Variants in NR3C2 observed in about 807,000 individuals in gnomAD.
NR3C2 encodes the protein nuclear receptor subfamily 3 group C member 2.
A neutral mutation model predicts 86.4 loss-of-function variants in NR3C2; 15 were observed. That is an observed-to-expected ratio of 0.17 (90% CI 0.12 to 0.27). The LOEUF (loss-of-function observed/expected upper bound fraction) is 0.27, where lower values mean the gene tolerates loss of function less well. Ranked by LOEUF, NR3C2 falls within the 10% of genes least tolerant of loss-of-function variation. NR3C2 has a pLI of 1.00. For missense variants in NR3C2, 960 were observed against 1,195.6 expected (o/e 0.80, Z 2.91); for synonymous variants, 458 against 450.5 (o/e 1.02, Z -0.21).
chr4:148,155,164 A>C (rs75113163), intron 4 of NR3C2, among the ~76,000 whole-genome samples: 3,767 of 152,296 alleles, frequency 0.025, 147 homozygotes, highest in African/African-American at 0.083. Context: ...TAAGCTGCAT[A>C]GGAACCCAGC....
At chr4:148,351,382 A>G (rs549059924) in intron 2 of NR3C2, among the ~76,000 whole-genome samples, 117 of 152,310 alleles carry the variant, frequency 7.7e-4, no homozygotes, top group African/African-American at 2.4e-3. Context: ...AGCTCAGGCA[A>G]TCCACCTGCC....
intron 8 of NR3C2, among the ~76,000 whole-genome samples, chr4:148,103,033 A>T (rs1731610396): frequency 6.6e-6 from 1 of 152,034 alleles, no homozygotes; most frequent in South Asian, 2.1e-4. Context: ...GGATACAAGG[A>T]CATTCTCTAT....
In NR3C2 at chr4:148,194,810, A is replaced by C. The variant is rs533357038; in HGVS notation, c.1950T>G (p.Ile650Met). Reference sequence around the variant, plus strand: ...TGCAAGCAGGACAATTCTTTCGTCGAATCTTATCAATGATGCAATCATTTC... The same window carrying C: ...TGCAAGCAGGACAATTCTTTCGTCGCATCTTATCAATGATGCAATCATTTC... ...AGRNDCIIDK[I>M]RRKNCPACRL... The change falls in exon 4 of 9, where the codon ATT (isoleucine) becomes ATG (methionine). Residue 650 changes from isoleucine to methionine, a missense_variant. By Grantham distance (10) the Ile-to-Met change is conservative. Transcript: ENST00000358102. 6.2e-7 allele frequency: 1 copy of C among 1,612,680 alleles called. No homozygotes were observed. The highest frequency in any genetic ancestry group is 1.7e-5 in the Admixed American group (1 of 60,026).
At chr4:148,329,577 G>T (rs937443021) in intron 2 of NR3C2, among the ~76,000 whole-genome samples, 4 of 152,106 alleles carry the variant, frequency 2.6e-5, no homozygotes, top group Non-Finnish European at 4.4e-5. Flanking sequence ...AAATGGTAAT[G>T]CTTTTAAGTA....
intron 6 of NR3C2, among the ~76,000 whole-genome samples, chr4:148,134,269 A>ACCG (rs1733173094): frequency 6.6e-6 from 1 of 152,200 alleles, no homozygotes; most frequent in Non-Finnish European, 1.5e-5. Flanking sequence ...GTGTAACACC[A>ACCG]CCAGGCCACT....
intron 2 of NR3C2, among the ~76,000 whole-genome samples, chr4:148,422,559 G>C (rs573928181): frequency 1.3e-5 from 2 of 152,120 alleles, no homozygotes; most frequent in South Asian, 4.2e-4. Context: ...CCATGTGATG[G>C]AAGAAAATAA....
chr4:148,441,615 C>A (rs183691895), intron 1 of NR3C2, among the ~76,000 whole-genome samples: 9 of 152,336 alleles, frequency 5.9e-5, no homozygotes, highest in Non-Finnish European at 1.0e-4. Flanking sequence ...GCTTCGTCCC[C>A]TTCTCCCTTG....
At chr4:148,230,156 G>T (rs1238051644) in intron 3 of NR3C2, among the ~76,000 whole-genome samples, 1 of 152,130 alleles carries the variant, frequency 6.6e-6, no homozygotes, top group African/African-American at 2.4e-5. Context: ...GGCACTTACA[G>T]GGGAGAACAG....
In NR3C2 at chr4:148,227,887, A is replaced by G. The variant is rs186299254; in HGVS notation, c.1897+32091T>C. On this transcript the variant is annotated intron_variant, in intron 3 of 8. Transcript: ENST00000358102. Reference sequence around the variant, plus strand: ...CCCAGTATATTGCTGCTCCAAGATCATTTGTATTTTCTCTGCCCCTAGTCC... The same window carrying G: ...CCCAGTATATTGCTGCTCCAAGATCGTTTGTATTTTCTCTGCCCCTAGTCC... Among the ~76,000 whole-genome samples the G allele has an allele frequency of 3.0e-3, 456 of 152,218 alleles. 1 individual carries two copies. The highest frequency in any genetic ancestry group is 4.4e-3 in the Non-Finnish European group (300 of 68,008).
chr4:148,248,148 G>A (rs915058993), intron 3 of NR3C2, among the ~76,000 whole-genome samples: 13 of 152,124 alleles, frequency 8.5e-5, no homozygotes, highest in African/African-American at 3.1e-4. Context: ...CTAATATTTA[G>A]AAATGGCATG....
At chr4:148,124,224 G>A (rs903076518) in intron 6 of NR3C2, among the ~76,000 whole-genome samples, 2 of 135,534 alleles carry the variant, frequency 1.5e-5, no homozygotes, top group Admixed American at 7.5e-5. Context: ...GACAGAGTGA[G>A]ACTCCATCCC....
chr4:148,418,379 T>C (rs1301140920), intron 2 of NR3C2, among the ~76,000 whole-genome samples: 2 of 152,200 alleles, frequency 1.3e-5, no homozygotes, highest in Non-Finnish European at 2.9e-5. Flanking sequence ...GTGATATATG[T>C]AAATGTTAAT....
chr4:148,274,566 A>G (rs758620890), intron 2 of NR3C2, among the ~76,000 whole-genome samples: 11 of 152,052 alleles, frequency 7.2e-5, no homozygotes, highest in Non-Finnish European at 1.3e-4. Flanking sequence ...TCCTGCTGCC[A>G]TGTAAGACGT....
chr4:148,119,785 C>CG (rs1732431084), intron 7 of NR3C2, among the ~76,000 whole-genome samples: 1 of 122,098 alleles, frequency 8.2e-6, no homozygotes, highest in Non-Finnish European at 1.7e-5. Context: ...GACTTCATCT[C>CG]AAAAAAAAAA....
At chr4:148,107,784 G>A (rs1731869299) in intron 8 of NR3C2, among the ~76,000 whole-genome samples, 1 of 152,168 alleles carries the variant, frequency 6.6e-6, no homozygotes, top group Non-Finnish European at 1.5e-5. Context: ...CTCATAAGTG[G>A]GAGGTGAACA....
chr4:148,130,819 G>GTTTTTTT (rs376180676), intron 6 of NR3C2, among the ~76,000 whole-genome samples: 4 of 108,882 alleles, frequency 3.7e-5, no homozygotes, highest in Non-Finnish European at 3.6e-5. Context: ...GTTTTGTTTT[G>GTTTTTTT]TTTTTTTTTT....
chr4:148,368,283 T>G (rs1209512814), intron 2 of NR3C2: 1 of 152,164 alleles, frequency 6.6e-6, no homozygotes, highest in Admixed American at 6.5e-5. Context: ...CTTTGTACAC[T>G]TGCGGTTTCA....
At position 148,346,335 on chromosome 4, in the gene NR3C2, T is replaced by G. The variant is rs149341505; in HGVS notation, c.1758-86218A>C. 2.2e-4 allele frequency among the ~76,000 whole-genome samples: 33 copies of G among 152,136 alleles called. No individual in the cohort carries two copies. The East Asian group carries it at 6.4e-3, about 29-fold the overall frequency. On this transcript the variant is annotated intron_variant, in intron 2 of 8. Transcript: ENST00000358102. ...ACGGTGGTGACATGGTCCATGGAAC[T>G]GGCAATGATGGGGAACAGCGAACAG...
At chr4:148,362,934 T>C (rs1313348413) in intron 2 of NR3C2, among the ~76,000 whole-genome samples, 1 of 151,854 alleles carries the variant, frequency 6.6e-6, no homozygotes, top group African/African-American at 2.4e-5. Flanking sequence ...TCAAACACTT[T>C]TCATTTATTC....
Sources: allele counts gnomAD v4.1 joint callset (sites outside exome capture counted in the v4.1 genomes callset), GRCh38; gene constraint gnomAD v4.1.1; transcripts MANE v1.5; gene names NCBI Gene and HGNC (gene_info 2026-07-23, HGNC 2026-07-21).